GRID1: variants seen among roughly 807,000 people sequenced by gnomAD.
The protein encoded by GRID1 is glutamate ionotropic receptor delta type subunit 1.
A neutral mutation model predicts 98.0 loss-of-function variants in GRID1; 28 were observed. The ratio of observed to expected loss-of-function variants is 0.29; its 90% CI spans 0.21 to 0.39. The LOEUF (loss-of-function observed/expected upper bound fraction) is 0.39, where lower values mean the gene tolerates loss of function less well. Ranked by LOEUF, GRID1 falls within the 10% of genes least tolerant of loss-of-function variation. The probability of loss-of-function intolerance (pLI) is 1.00; values close to 1 mark genes in which losing one functional copy is unlikely to be tolerated. For synonymous variants in GRID1, 553 were observed against 538.5 expected (o/e 1.03, Z -0.37); for missense variants, 1,111 against 1,340.5 (o/e 0.83, Z 2.67).
chr10:86,163,605 C>T lies in GRID1; in HGVS notation c.521-24581G>A, dbSNP rs563983810. Among the ~76,000 whole-genome samples, 10 of 152,228 alleles carry T rather than the reference C, an allele frequency of 6.6e-5. No homozygotes were observed. The South Asian group carries it at 2.1e-3, about 32-fold the overall frequency. ...TGAGCATGATACTTTGGACTGATAGCGTCAGCCACCGACCAGGCAGGCAGA... is the reference window on the plus strand; with the variant it reads ...TGAGCATGATACTTTGGACTGATAGTGTCAGCCACCGACCAGGCAGGCAGA... On this transcript the variant is annotated intron_variant, in intron 3 of 15. Coordinates refer to ENST00000327946, the MANE Select transcript of GRID1 (RefSeq NM_017551.3).
intron 8 of GRID1, among the ~76,000 whole-genome samples, chr10:85,788,045 T>C (rs1016877760): frequency 1.4e-5 from 2 of 138,374 alleles, no homozygotes; most frequent in South Asian, 2.3e-4. Context: ...CTGGAGACTA[T>C]AAACTTCACA....
At chr10:86,351,066 A>G (rs1848455393) in intron 2 of GRID1, among the ~76,000 whole-genome samples, 1 of 152,172 alleles carries the variant, frequency 6.6e-6, no homozygotes, top group African/African-American at 2.4e-5. Context: ...ACAGGCAATC[A>G]CCAGGAGCCT....
chr10:86,323,469 CT>C (rs1847998673), intron 2 of GRID1, among the ~76,000 whole-genome samples: 1 of 152,184 alleles, frequency 6.6e-6, no homozygotes, highest in African/African-American at 2.4e-5. Context: ...TGGCATAAAC[CT>C]TAAATTCTCT....
intron 4 of GRID1, among the ~76,000 whole-genome samples, chr10:85,950,860 T>G (rs1024876227): frequency 2.0e-5 from 3 of 152,210 alleles, no homozygotes; most frequent in Non-Finnish European, 1.5e-5. Context: ...AAATGCCCTG[T>G]GCTCTGACAG....
At chr10:85,823,300 A>G (rs1473094238) in intron 8 of GRID1, among the ~76,000 whole-genome samples, 2 of 152,210 alleles carry the variant, frequency 1.3e-5, no homozygotes, top group Non-Finnish European at 2.9e-5. Context: ...GTGCATTGTG[A>G]TTTGTAAAAT....
At chr10:86,317,779 C>T (rs1490801152) in intron 2 of GRID1, among the ~76,000 whole-genome samples, 2 of 152,116 alleles carry the variant, frequency 1.3e-5, no homozygotes, top group African/African-American at 2.4e-5. Flanking sequence ...CGCACTCTGT[C>T]ATCCAGGCTG....
At chr10:85,607,892 A>C (rs1188662702) in intron 15 of GRID1, among the ~76,000 whole-genome samples, 1 of 145,548 alleles carries the variant, frequency 6.9e-6, no homozygotes, top group Non-Finnish European at 1.5e-5. Context: ...ATCTCGGCTC[A>C]CTGCAGCCTT....
At chr10:85,875,577 T>C (rs1375293152) in intron 5 of GRID1, among the ~76,000 whole-genome samples, 1 of 152,194 alleles carries the variant, frequency 6.6e-6, no homozygotes, top group Non-Finnish European at 1.5e-5. Flanking sequence ...TGTTTCCCTT[T>C]AAAATGATTT....
At chr10:86,305,419 T>A (rs980703451) in intron 2 of GRID1, among the ~76,000 whole-genome samples, 7 of 152,250 alleles carry the variant, frequency 4.6e-5, no homozygotes, top group African/African-American at 1.4e-4. Context: ...TGGGCATTGA[T>A]CTTGGCTTTA....
At chr10:85,701,448 G>T (rs569418301) in intron 12 of GRID1, among the ~76,000 whole-genome samples, 1 of 152,146 alleles carries the variant, frequency 6.6e-6, no homozygotes, top group East Asian at 1.9e-4. Flanking sequence ...GTATCAATCC[G>T]AATGCTAGAA....
At position 86,107,518 on chromosome 10, in the gene GRID1, G is replaced by A. The variant is rs1420282504; in HGVS notation, c.726+31301C>T. Among the ~76,000 whole-genome samples the A allele has an allele frequency of 1.3e-4, 20 of 152,198 alleles. 1 individual carries two copies. The highest frequency in any genetic ancestry group is 1.2e-3 in the Admixed American group (19 of 15,290). On this transcript the variant is annotated intron_variant, in intron 4 of 15. Coordinates refer to ENST00000327946, the MANE Select transcript of GRID1 (RefSeq NM_017551.3). ...ATGATACAGAATGGGGGAAGGGAAG[G>A]GTGTGGTCCCTGGCTAGGGCTCCAC...
intron 4 of GRID1, among the ~76,000 whole-genome samples, chr10:85,964,456 G>C (rs911711604): frequency 6.6e-6 from 1 of 152,102 alleles, no homozygotes; most frequent in Non-Finnish European, 1.5e-5. Flanking sequence ...TGGACCAATG[G>C]AACAGAATAG....
chr10:85,871,048 A>C (rs1036436464), intron 5 of GRID1, among the ~76,000 whole-genome samples: 1 of 152,184 alleles, frequency 6.6e-6, no homozygotes, highest in Non-Finnish European at 1.5e-5. Context: ...TGGGAACTAC[A>C]ACAAAAATGG....
chr10:85,609,787 G>T (rs910098554), intron 15 of GRID1, among the ~76,000 whole-genome samples: 4 of 152,138 alleles, frequency 2.6e-5, no homozygotes, highest in South Asian at 2.1e-4. Context: ...TCCTCATGTC[G>T]TCTCCCATTT....
intron 3 of GRID1, among the ~76,000 whole-genome samples, chr10:86,157,151 G>A (rs1845257280): frequency 6.6e-6 from 1 of 152,162 alleles, no homozygotes; most frequent in Non-Finnish European, 1.5e-5. Context: ...TAGGATGGAA[G>A]CTACGAGTTC....
rs1190376221 is a variant in GRID1, at chr10:86,138,708, C to T, written c.726+111G>A. The T allele has an allele frequency of 6.2e-6, 5 of 801,414 alleles. No homozygotes were observed. The Admixed American group carries it at 1.1e-4, about 18-fold the overall frequency. 49.6% of individuals were successfully genotyped at this position (801,414 alleles called of 1,614,324 possible). ...TGTGGGCCGAGCACCTACGGGTCTC[C>T]ATGTCCGTTTAGGCCATGCGTAAGA... On this transcript the variant is annotated intron_variant, in intron 4 of 15. Coordinates refer to ENST00000327946, the MANE Select transcript of GRID1 (RefSeq NM_017551.3).
intron 5 of GRID1, among the ~76,000 whole-genome samples, chr10:85,882,840 T>G (rs555853445): frequency 6.6e-6 from 1 of 152,218 alleles, no homozygotes; most frequent in African/African-American, 2.4e-5. Flanking sequence ...CCTTTTCTGT[T>G]TGGATGCTTT....
intron 2 of GRID1, among the ~76,000 whole-genome samples, chr10:86,299,025 T>A (rs1443544160): frequency 6.6e-6 from 1 of 151,958 alleles, no homozygotes; most frequent in Non-Finnish European, 1.5e-5. Context: ...TAGTTCCATG[T>A]CCTATTCCAT....
At chr10:85,786,206 C>T (rs1787630230) in intron 8 of GRID1, among the ~76,000 whole-genome samples, 2 of 152,170 alleles carry the variant, frequency 1.3e-5, no homozygotes, top group African/African-American at 4.8e-5. Flanking sequence ...GAATCAATAG[C>T]CAGCCTAAGT....
Sources: allele counts gnomAD v4.1 joint callset (sites outside exome capture counted in the v4.1 genomes callset), GRCh38; gene constraint gnomAD v4.1.1; transcripts MANE v1.5; gene names NCBI Gene and HGNC (gene_info 2026-07-23, HGNC 2026-07-21).